The following RNF38 variants were observed in gnomAD, a reference collection of about 807,000 sequenced individuals.
The protein encoded by RNF38 is ring finger protein 38.
Under a neutral mutation model 67.2 loss-of-function variants are expected in RNF38, and 15 were observed. That is an observed-to-expected ratio of 0.22 (90% CI 0.15 to 0.34). The LOEUF is 0.34. Ranked by LOEUF, RNF38 falls within the 10% of genes least tolerant of loss-of-function variation. The probability of loss-of-function intolerance (pLI) is 1.00; values close to 1 mark genes in which losing one functional copy is unlikely to be tolerated. For missense variants in RNF38, 524 were observed against 639.9 expected, an observed-to-expected ratio of 0.82 and a Z score of 1.95; for synonymous variants, 220 against 218.8, an observed-to-expected ratio of 1.01 and a Z score of -0.05.
chr9:36,353,122 G>A (rs767191955), intron 7 of RNF38, 48 bp downstream of exon 7: 9 of 1,483,176 alleles, frequency 6.1e-6, no homozygotes, highest in South Asian at 1.1e-5. Context: ...CTCAGAACAA[G>A]TAAGTTGCCA....
intron 4 of RNF38, among the ~76,000 whole-genome samples, chr9:36,369,362 A>T (rs1180488658): frequency 6.6e-6 from 1 of 152,078 alleles, no homozygotes; most frequent in Non-Finnish European, 1.5e-5. Flanking sequence ...CTGGGATCAT[A>T]AACATGTACC....
chr9:36,380,489 T>C (rs188584026), intron 2 of RNF38, among the ~76,000 whole-genome samples: 9 of 151,292 alleles, frequency 5.9e-5, no homozygotes, highest in African/African-American at 2.2e-4. Flanking sequence ...CGTGAGCCAC[T>C]GCGCCCGGCC....
intron 3 of RNF38, among the ~76,000 whole-genome samples, chr9:36,371,709 C>T (rs1188743117): frequency 6.6e-6 from 1 of 152,084 alleles, no homozygotes; most frequent in East Asian, 1.9e-4. Context: ...GCCTCAGCCT[C>T]CCAGAGTACT....
intron 2 of RNF38, among the ~76,000 whole-genome samples, chr9:36,420,676 G>A (rs1053287733): frequency 6.6e-6 from 1 of 152,008 alleles, no homozygotes; most frequent in African/African-American, 2.4e-5. Context: ...AGCTGCATAA[G>A]AGCAAAGACT....
At chr9:36,397,486 T>C (rs985224173) in intron 1 of RNF38, among the ~76,000 whole-genome samples, 1 of 152,182 alleles carries the variant, frequency 6.6e-6, no homozygotes, top group Admixed American at 6.5e-5. Flanking sequence ...TGGGTGAGGA[T>C]GTTCATTACT....
chr9:36,485,348 T>C (rs1840381427), intron 1 of RNF38, among the ~76,000 whole-genome samples: 1 of 146,212 alleles, frequency 6.8e-6, no homozygotes, highest in Non-Finnish European at 1.5e-5. Context: ...TTTAGGTAAA[T>C]GAATATGTCT....
chr9:36,410,405 C>T (rs1232380845), intron 2 of RNF38, among the ~76,000 whole-genome samples: 1 of 152,150 alleles, frequency 6.6e-6, no homozygotes, highest in African/African-American at 2.4e-5. Context: ...CGGCTCACTG[C>T]AACCTCTGCC....
chr9:36,396,993 T>A (rs572535478), intron 1 of RNF38, among the ~76,000 whole-genome samples: 3 of 121,742 alleles, frequency 2.5e-5, no homozygotes, highest in African/African-American at 9.2e-5. Context: ...TACACAACGG[T>A]CACAATTTGC....
chr9:36,384,487 T>TA (rs1836448201), intron 2 of RNF38, among the ~76,000 whole-genome samples: 1 of 152,146 alleles, frequency 6.6e-6, no homozygotes, highest in Non-Finnish European at 1.5e-5. Context: ...CACCAACATT[T>TA]AATGCTGGGT....
At position 36,344,816 on chromosome 9, in the gene RNF38, A is replaced by C. The variant is rs554552898; in HGVS notation, c.1385+16T>G. 1 of 1,609,388 alleles carries C rather than the reference A, an allele frequency of 6.2e-7. No individual in the cohort carries two copies. Among genetic ancestry groups the C allele is most frequent in the Non-Finnish European group, 8.5e-7 (1 of 1,177,064 alleles). On this transcript the variant is annotated intron_variant, in intron 10 of 11. Transcript: ENST00000259605. ...GAAAAGGAAATTTAGCAGTGATGTCAGAAAAATTTACTTACAAAGTCTGTT... is the reference window on the plus strand; with the variant it reads ...GAAAAGGAAATTTAGCAGTGATGTCCGAAAAATTTACTTACAAAGTCTGTT...
chr9:36,398,123 G>A (rs887954710), intron 1 of RNF38, among the ~76,000 whole-genome samples: 4 of 152,192 alleles, frequency 2.6e-5, no homozygotes, highest in African/African-American at 9.7e-5. Context: ...TATGCTGGAT[G>A]CTGTGACTAC....
chr9:36,456,077 A>AT (rs551932475), intron 1 of RNF38, among the ~76,000 whole-genome samples: 49 of 150,472 alleles, frequency 3.3e-4, no homozygotes, highest in Non-Finnish European at 4.3e-4. Context: ...CCAATAAATA[A>AT]TTTTTTTTTT....
At position 36,344,971 on chromosome 9, in the gene RNF38, G is replaced by T; in HGVS notation, c.1264-18C>A. The T allele has an allele frequency of 1.3e-6, 2 of 1,594,596 alleles. No homozygotes were observed. Among genetic ancestry groups the T allele is most frequent in the South Asian group, 2.3e-5 (2 of 87,512 alleles). On this transcript the variant is annotated intron_variant, in intron 9 of 11. Coordinates refer to ENST00000259605, the MANE Select transcript of RNF38 (RefSeq NM_022781.5). ...AACAGGGCCTGCAGCGGTAAAAGAC[G>T]ACATATTTTCATCTATCTTTACATT...
At chr9:36,390,364 A>T (rs1211680505) in intron 2 of RNF38, 103 bp downstream of exon 2, 2 of 981,794 alleles carry the variant, frequency 2.0e-6, no homozygotes, top group East Asian at 5.3e-5. Context: ...CATACAACAG[A>T]AAACAAGGAG....
chr9:36,394,270 T>A (rs1336149128), intron 1 of RNF38, among the ~76,000 whole-genome samples: 2 of 149,524 alleles, frequency 1.3e-5, no homozygotes, highest in Non-Finnish European at 3.0e-5. Flanking sequence ...CAAGACTGTC[T>A]CAAAAAAAAA....
At position 36,356,286 on chromosome 9, in the gene RNF38, ATAG is replaced by A. The variant is rs778648134; in HGVS notation, c.909+14_909+16del. 2.5e-6 allele frequency: 4 copies of A among 1,612,950 alleles called. No individual in the cohort carries two copies. In the African/African-American group the frequency reaches 4.0e-5, roughly 16 times the overall value. The stretch of plus-strand genomic sequence containing the variant: ...GTTAAAAACTAAACATTCTGACATA[ATAG>A]TAGAGATACCTACCGATCGTGATTG... On this transcript the variant is annotated intron_variant, in intron 6 of 11. Transcript: ENST00000259605.
intron 2 of RNF38, among the ~76,000 whole-genome samples, chr9:36,419,178 T>C (rs1219651031): frequency 6.6e-6 from 1 of 152,178 alleles, no homozygotes; most frequent in Non-Finnish European, 1.5e-5. Flanking sequence ...AACCAGTATA[T>C]AACGCAAATA....
intron 2 of RNF38, among the ~76,000 whole-genome samples, chr9:36,384,715 T>C (rs1388468397): frequency 6.6e-6 from 1 of 152,226 alleles, no homozygotes; most frequent in African/African-American, 2.4e-5. Flanking sequence ...TCTCACTTTA[T>C]GTTCTTTGTT....
chr9:36,394,472 G>A (rs1293910723), intron 1 of RNF38, among the ~76,000 whole-genome samples: 2 of 152,180 alleles, frequency 1.3e-5, no homozygotes, highest in Admixed American at 1.3e-4. Flanking sequence ...TTGTACCACA[G>A]TGAAAAAGTT....
Sources: gnomAD v4.1 joint callset for allele counts (sites outside exome capture counted in the v4.1 genomes callset) on GRCh38, gnomAD v4.1.1 for gene constraint, MANE v1.5 for transcripts, NCBI Gene and HGNC (gene_info 2026-07-23, HGNC 2026-07-21) for gene names.